FGD5: variants seen among roughly 807,000 people sequenced by gnomAD.
FGD5 encodes the protein FYVE, RhoGEF and PH domain containing 5.
Under a neutral mutation model 133.4 loss-of-function variants are expected in FGD5, and 28 were observed. The observed-to-expected ratio is 0.21, with a 90% confidence interval of 0.16 to 0.29. FGD5 has a LOEUF of 0.29. FGD5 is among the 10% of genes least tolerant of loss of function. The probability of loss-of-function intolerance (pLI) is 1.00; values close to 1 mark genes in which losing one functional copy is unlikely to be tolerated. For synonymous variants in FGD5, 810 were observed against 776.5 expected, an observed-to-expected ratio of 1.04 and a Z score of -0.72; for missense variants, 1,858 against 1,895.2, an observed-to-expected ratio of 0.98 and a Z score of 0.36.
chr3:14,896,124 G>T (rs1453213541), intron 4 of FGD5, among the ~76,000 whole-genome samples: 1 of 152,164 alleles, frequency 6.6e-6, no homozygotes, highest in Non-Finnish European at 1.5e-5. Flanking sequence ...ACTGATGAAA[G>T]AAATTGAAGA....
Position 14,898,224 on chromosome 3 carries a change from C to G in FGD5, c.3066+129C>G. On this transcript the variant is annotated intron_variant, in intron 6 of 19. Transcript: ENST00000285046. ...GGGGAGCAGACAGGGAAGACCTGGC[C>G]AGAGGGATGAGAGGATGACCCATCA... The G allele has an allele frequency of 2.4e-6, 3 of 1,230,708 alleles. No homozygotes were observed. In the South Asian group the frequency reaches 4.1e-5, roughly 17 times the overall value. The allele number at this position is 1,230,708 out of a possible 1,614,324, so 76.2% of individuals were successfully genotyped here.
rs755772981 is a variant in FGD5 at position 14,820,816 on chromosome 3, A to G, written c.1745A>G (p.Asn582Ser). Residue 582 changes from asparagine (N) to serine (S), a missense_variant, in exon 1 of 20, where the codon AAT becomes AGT. Physicochemically the swap from Asn to Ser is conservative, Grantham distance 46 (BLOSUM62 1). Coordinates refer to ENST00000285046, the MANE Select transcript of FGD5 (RefSeq NM_152536.4). ...CACAGGATAAAGAGGAAAGAGGACA[A>G]TCTCTCTCTGTCGTGTGTAATTGGC... is the stretch of plus-strand genomic sequence containing the variant. ...DDHRIKRKED[N>S]LSLSCVIGSS... The G allele has an allele frequency of 2.6e-5, 42 of 1,613,656 alleles. No homozygotes were observed. The highest frequency in any genetic ancestry group is 2.0e-4 in the East Asian group (9 of 44,854).
At chr3:14,879,320 C>A (rs1417849657) in intron 2 of FGD5, among the ~76,000 whole-genome samples, 1 of 152,252 alleles carries the variant, frequency 6.6e-6, no homozygotes, top group Non-Finnish European at 1.5e-5. Context: ...CATCAGGCCG[C>A]CACAGCGTGT....
rs752743402 is a variant in FGD5 at position 14,820,416 on chromosome 3, G to A, written c.1345G>A (p.Ala449Thr). The change falls in exon 1 of 20, where the codon GCA becomes ACA. Residue 449 changes from alanine (A) to threonine (T), a missense_variant. Coordinates refer to ENST00000285046, the MANE Select transcript of FGD5 (RefSeq NM_152536.4). Reference protein sequence around the residue: ...QAAPGEGGQAASDALGGYGSK... With the variant: ...QAAPGEGGQATSDALGGYGSK... ...GGCCCCTGGAGAAGGAGGGCAGGCT[G>A]CATCGGACGCCCTGGGTGGTTATGG... 9.3e-6 allele frequency: 15 copies of A among 1,614,012 alleles called. No homozygotes were observed. In the South Asian group the frequency reaches 1.5e-4, roughly 17 times the overall value.
intron 9 of FGD5, among the ~76,000 whole-genome samples, chr3:14,904,339 A>G (rs1422015083): frequency 6.6e-6 from 1 of 152,178 alleles, no homozygotes; most frequent in Non-Finnish European, 1.5e-5. Flanking sequence ...TGGCTAGTGT[A>G]TCTAGTCATT....
At chr3:14,816,893 C>T (rs953956042), upstream of FGD5, among the ~76,000 whole-genome samples, 5 of 152,110 alleles carry the variant, frequency 3.3e-5, no homozygotes, top group Non-Finnish European at 7.3e-5. Flanking sequence ...GCACTGATAC[C>T]AACTTTGGCT....
chr3:14,919,100 C>G (rs970433035), intron 13 of FGD5, among the ~76,000 whole-genome samples: 4 of 152,086 alleles, frequency 2.6e-5, no homozygotes, highest in African/African-American at 9.7e-5. Context: ...TTAAATATGG[C>G]AATAGCAATG....
At chr3:14,910,979 G>T in intron 11 of FGD5, 50 bp downstream of exon 11, 1 of 1,543,134 alleles carries the variant, frequency 6.5e-7, no homozygotes, top group South Asian at 1.2e-5. Context: ...AGTTCTATGA[G>T]GTTTTCTAGG....
chr3:14,927,953 T>A (rs1276181786), intron 18 of FGD5, among the ~76,000 whole-genome samples: 1 of 150,994 alleles, frequency 6.6e-6, no homozygotes, highest in Non-Finnish European at 1.5e-5. Flanking sequence ...TTTTTAATTT[T>A]TTTTTTTGAG....
intron 11 of FGD5, among the ~76,000 whole-genome samples, chr3:14,913,810 A>T (rs564595912): frequency 6.6e-6 from 1 of 152,180 alleles, no homozygotes; most frequent in African/African-American, 2.4e-5. Context: ...CACACACCTG[A>T]AGCTCTTTGA....
intron 1 of FGD5, among the ~76,000 whole-genome samples, chr3:14,844,332 CA>C (rs2037003215): frequency 7.3e-6 from 1 of 137,028 alleles, no homozygotes; most frequent in Admixed American, 7.7e-5. Context: ...GGTGTTGCTG[CA>C]CAATCTGCAT....
chr3:14,857,214 A>G (rs2037299123), intron 1 of FGD5, among the ~76,000 whole-genome samples: 1 of 151,054 alleles, frequency 6.6e-6, no homozygotes, highest in Non-Finnish European at 1.5e-5. Flanking sequence ...GCTGGAGTGC[A>G]GTGGTGTGAC....
chr3:14,898,469 T>C (rs1182739181), intron 6 of FGD5, among the ~76,000 whole-genome samples: 3 of 152,252 alleles, frequency 2.0e-5, no homozygotes, highest in Admixed American at 2.0e-4. Flanking sequence ...CTTTCCTCCA[T>C]TGCTAACATT....
Position 14,880,723 on chromosome 3 carries a change from A to G in FGD5, c.2718-19A>G. 4 of 1,613,990 alleles carry G rather than the reference A, an allele frequency of 2.5e-6. No individual in the cohort carries two copies. The highest frequency in any genetic ancestry group is 1.7e-6 in the Non-Finnish European group (2 of 1,179,890). ...CAGGATGGGGATTAATGCAGCCTCAACCCTCTTTCCCTCTGCAGATACGTG... is the reference window on the plus strand; with the variant it reads ...CAGGATGGGGATTAATGCAGCCTCAGCCCTCTTTCCCTCTGCAGATACGTG... On this transcript the variant is annotated intron_variant, in intron 3 of 19. Transcript: ENST00000285046.
intron 1 of FGD5, among the ~76,000 whole-genome samples, chr3:14,832,105 G>A (rs149886853): frequency 6.6e-6 from 1 of 152,180 alleles, no homozygotes; most frequent in Non-Finnish European, 1.5e-5. Flanking sequence ...CTGAGCCCCG[G>A]TTTTCTCACC....
intron 4 of FGD5, among the ~76,000 whole-genome samples, chr3:14,892,174 A>G (rs1035839554): frequency 6.6e-6 from 1 of 150,892 alleles, no homozygotes; most frequent in African/African-American, 2.4e-5. Context: ...CTACTTTTCA[A>G]TCCTTATATA....
rs147400076 is a variant in FGD5, at chr3:14,836,118, A to G, written c.2525+14522A>G. Among the ~76,000 whole-genome samples, 757 of 152,292 alleles carry G rather than the reference A, an allele frequency of 5.0e-3. 5 individuals carry two copies. The highest frequency in any genetic ancestry group is 0.018 in the African/African-American group (738 of 41,552). ...GAAGCCTCCATGCCACATGTTGCAC[A>G]AGGAGCCGTGGTGAGAGCACGGAGA... On this transcript the variant is annotated intron_variant, in intron 1 of 19. Transcript: ENST00000285046.
In FGD5 at chr3:14,917,163, A is replaced by C; in HGVS notation, c.3406-86A>C. On this transcript the variant is annotated intron_variant, in intron 11 of 19. Transcript: ENST00000285046. The surrounding 1 kb of genome is among the most constrained non-coding windows in gnomAD (Gnocchi z 4.1). Reference sequence around the variant, plus strand: ...TGAGGAATACAAGATGCCTGTGCACAGCGGAGCTCAGGGATCCTTTGAGGA... The same window carrying C: ...TGAGGAATACAAGATGCCTGTGCACCGCGGAGCTCAGGGATCCTTTGAGGA... 1 of 1,224,312 alleles carries C rather than the reference A, an allele frequency of 8.2e-7. No homozygotes were observed. The highest frequency in any genetic ancestry group is 1.2e-6 in the Non-Finnish European group (1 of 860,938). 75.8% of individuals were successfully genotyped at this position (1,224,312 alleles called of 1,614,324 possible).
chr3:14,887,012 C>T (rs1219867363), intron 4 of FGD5, among the ~76,000 whole-genome samples: 2 of 152,194 alleles, frequency 1.3e-5, no homozygotes, highest in Non-Finnish European at 2.9e-5. Context: ...GCCCTCTGCT[C>T]TTGTTGAGTG....
Sources: gnomAD v4.1 joint callset for allele counts (sites outside exome capture counted in the v4.1 genomes callset) on GRCh38, gnomAD v4.1.1 for gene constraint, Gnocchi (gnomAD v3.1) non-coding constraint, MANE v1.5 for transcripts, NCBI Gene and HGNC (gene_info 2026-07-23, HGNC 2026-07-21) for gene names.